The following ARID1B variants were observed in gnomAD, a reference collection of about 807,000 sequenced individuals.
The protein encoded by ARID1B is AT-rich interactive domain-containing protein 1B.
In ARID1B, 30 loss-of-function variants were observed where a neutral mutation model predicts 212.3. That is an observed-to-expected ratio of 0.14 (90% CI 0.11 to 0.19). The LOEUF (loss-of-function observed/expected upper bound fraction) is 0.19. Among genes scored for constraint, ARID1B ranks in the 10% least tolerant of loss-of-function variants. The pLI is 1.00. For missense variants in ARID1B, 2,891 were observed against 3,204.0 expected (o/e 0.90, Z 2.36); for synonymous variants, 1,402 against 1,301.7 (o/e 1.08, Z -1.66).
intron 18 of ARID1B, among the ~76,000 whole-genome samples, chr6:157,202,599 A>C (rs936415681): frequency 1.3e-5 from 2 of 151,998 alleles, no homozygotes; most frequent in Non-Finnish European, 2.9e-5. Flanking sequence ...AGGTAGGAGG[A>C]TCACTTGAGC....
intron 6 of ARID1B, among the ~76,000 whole-genome samples, chr6:157,114,900 C>A (rs1787223423): frequency 6.6e-6 from 1 of 152,136 alleles, no homozygotes; most frequent in South Asian, 2.1e-4. Flanking sequence ...TGCCTTGGAG[C>A]CTAAGTCCCC....
intron 5 of ARID1B, among the ~76,000 whole-genome samples, chr6:157,088,238 A>G (rs1014250822): frequency 6.6e-6 from 1 of 152,184 alleles, no homozygotes; most frequent in African/African-American, 2.4e-5. Flanking sequence ...TCTCATTCAT[A>G]CAGAGGAGCC....
At chr6:156,975,652 C>T (rs1777191101) in intron 4 of ARID1B, among the ~76,000 whole-genome samples, 1 of 123,200 alleles carries the variant, frequency 8.1e-6, no homozygotes. Context: ...AGATACTGGT[C>T]CACTGTCTTC....
At chr6:157,070,346 T>G (rs991888056) in intron 4 of ARID1B, among the ~76,000 whole-genome samples, 1 of 152,208 alleles carries the variant, frequency 6.6e-6, no homozygotes, top group African/African-American at 2.4e-5. Flanking sequence ...GGAATTATTG[T>G]AAGTTTTGAT....
chr6:156,978,710 A>G (rs891971034), intron 4 of ARID1B, among the ~76,000 whole-genome samples: 1 of 152,216 alleles, frequency 6.6e-6, no homozygotes, highest in East Asian at 1.9e-4. Context: ...GTTTCATGGT[A>G]GAGTATCTTT....
chr6:156,969,731 G>C (rs976727389), intron 4 of ARID1B, among the ~76,000 whole-genome samples: 3 of 152,096 alleles, frequency 2.0e-5, no homozygotes, highest in African/African-American at 7.2e-5. Context: ...TATATGGCCA[G>C]GGGAACTTAG....
At chr6:157,176,704 G>C (rs758436385) in intron 11 of ARID1B, among the ~76,000 whole-genome samples, 5 of 152,170 alleles carry the variant, frequency 3.3e-5, no homozygotes, top group Non-Finnish European at 7.3e-5. Flanking sequence ...AAATGAGCCA[G>C]GCATGGTGAT....
At chr6:157,133,681 G>A (rs1788710133) in intron 7 of ARID1B, among the ~76,000 whole-genome samples, 1 of 152,188 alleles carries the variant, frequency 6.6e-6, no homozygotes, top group South Asian at 2.1e-4. Flanking sequence ...TGCCGCATCA[G>A]GTCAGCAGTA....
At chr6:156,852,061 A>G (rs1002283629) in intron 2 of ARID1B, among the ~76,000 whole-genome samples, 10 of 152,198 alleles carry the variant, frequency 6.6e-5, no homozygotes, top group Admixed American at 2.6e-4. Context: ...TCGCAAGAGC[A>G]TATAGGGACT....
At chr6:156,990,413 C>G (rs996351144) in intron 4 of ARID1B, among the ~76,000 whole-genome samples, 1 of 152,022 alleles carries the variant, frequency 6.6e-6, no homozygotes, top group East Asian at 1.9e-4. Flanking sequence ...GAGGCCAAGG[C>G]AGGCGGATCA....
intron 5 of ARID1B, among the ~76,000 whole-genome samples, chr6:157,098,367 G>A (rs541867774): frequency 7.2e-5 from 11 of 152,200 alleles, no homozygotes; most frequent in South Asian, 4.2e-4. Context: ...GGGGAAGGCC[G>A]GGCTAGCGAT....
chr6:156,879,456 A>G (rs1734083932), intron 2 of ARID1B, among the ~76,000 whole-genome samples: 1 of 152,232 alleles, frequency 6.6e-6, no homozygotes, highest in Non-Finnish European at 1.5e-5. Flanking sequence ...AAATGAGAGT[A>G]TCGTAAATTA....
chr6:156,907,842 AG>A (rs1032598429), intron 3 of ARID1B, among the ~76,000 whole-genome samples: 1 of 145,928 alleles, frequency 6.9e-6, no homozygotes, highest in Non-Finnish European at 1.5e-5. Flanking sequence ...TGGGAGGCAG[AG>A]GTTGTAGTGA....
intron 8 of ARID1B, among the ~76,000 whole-genome samples, chr6:157,165,435 A>C (rs1250687660): frequency 6.6e-6 from 1 of 152,226 alleles, no homozygotes; most frequent in East Asian, 1.9e-4. Context: ...TAATATTTAA[A>C]GTAGACCAGT....
chr6:156,782,374 A>G (rs1218490098), intron 1 of ARID1B, among the ~76,000 whole-genome samples: 1 of 152,090 alleles, frequency 6.6e-6, no homozygotes, highest in East Asian at 1.9e-4. Flanking sequence ...GTCTTTTTAA[A>G]AAGTGAAATA....
At chr6:156,991,474 C>G (rs912596221) in intron 4 of ARID1B, among the ~76,000 whole-genome samples, 20 of 152,118 alleles carry the variant, frequency 1.3e-4, no homozygotes, top group Admixed American at 7.2e-4. Flanking sequence ...TCAGGTGATC[C>G]ACCCACCTCA....
At chr6:156,978,565 A>G (rs1380796582) in intron 4 of ARID1B, among the ~76,000 whole-genome samples, 1 of 152,242 alleles carries the variant, frequency 6.6e-6, no homozygotes, top group Non-Finnish European at 1.5e-5. Flanking sequence ...TATACAGTGT[A>G]GAATCCATCT....
chr6:157,129,080 G>T (rs1788349987), intron 6 of ARID1B, among the ~76,000 whole-genome samples: 1 of 152,236 alleles, frequency 6.6e-6, no homozygotes, highest in Admixed American at 6.5e-5. Flanking sequence ...GGCTATCCAA[G>T]TGAAAAGATA....
At chr6:157,191,533 G>A (rs2128342878) in intron 15 of ARID1B, among the ~76,000 whole-genome samples, 1 of 152,248 alleles carries the variant, frequency 6.6e-6, no homozygotes, top group South Asian at 2.1e-4. Context: ...GAGACAGAGA[G>A]TGCAGAAGTT....
Sources: allele counts gnomAD v4.1 joint callset (sites outside exome capture counted in the v4.1 genomes callset), GRCh38; gene constraint gnomAD v4.1.1; transcripts MANE v1.5; gene names NCBI Gene and HGNC (gene_info 2026-07-23, HGNC 2026-07-21).